EBF1: variants seen among roughly 807,000 people sequenced by gnomAD.
EBF1 encodes EBF transcription factor 1, also known as transcription factor COE1.
EBF1 carries 10 observed loss-of-function variants against 68.4 expected under a neutral mutation model. That is an observed-to-expected ratio of 0.15 (90% CI 0.09 to 0.25). EBF1 has a LOEUF of 0.25. Among genes scored for constraint, EBF1 ranks in the 10% least tolerant of loss-of-function variants. EBF1 has a pLI of 1.00. For synonymous variants in EBF1, 298 were observed against 299.8 expected, an observed-to-expected ratio of 0.99 and a Z score of 0.06; for missense variants, 509 against 794.4, an observed-to-expected ratio of 0.64 and a Z score of 4.32.
intron 6 of EBF1, among the ~76,000 whole-genome samples, chr5:158,842,892 T>A (rs1033435018): frequency 6.6e-6 from 1 of 152,188 alleles, no homozygotes; most frequent in Non-Finnish European, 1.5e-5. Context: ...AGAACTCAAA[T>A]TCAGACAGTG....
At chr5:158,852,010 GTGGAGA>G (rs1792961438) in intron 6 of EBF1, among the ~76,000 whole-genome samples, 1 of 38,106 alleles carries the variant, frequency 2.6e-5, no homozygotes, top group Non-Finnish European at 5.3e-5. Flanking sequence ...GAGGGGAAGG[GTGGAGA>G]GGGGAGGGGA....
chr5:158,936,964 G>C (rs1302917311), intron 6 of EBF1, among the ~76,000 whole-genome samples: 1 of 152,052 alleles, frequency 6.6e-6, no homozygotes, highest in Non-Finnish European at 1.5e-5. Context: ...GAGGTTAGGG[G>C]AGATCAAAGA....
At chr5:158,720,700 T>C (rs915448868) in intron 11 of EBF1, among the ~76,000 whole-genome samples, 3 of 152,214 alleles carry the variant, frequency 2.0e-5, no homozygotes, top group Non-Finnish European at 2.9e-5. Flanking sequence ...AAGAGTCACT[T>C]ACATTTAGCA....
At position 158,781,034 on chromosome 5, in the gene EBF1, C is replaced by G. The variant is rs147476306; in HGVS notation, c.910-3495G>C. ...TCTGTAGCATCTGCCACTACTCTTT[C>G]CCTTCCTTGGAACACTCCATTTTCT... On this transcript the variant is annotated intron_variant, in intron 9 of 15. Coordinates refer to ENST00000313708, the MANE Select transcript of EBF1 (RefSeq NM_024007.5). 1.4e-3 allele frequency among the ~76,000 whole-genome samples: 213 copies of G among 152,306 alleles called. 1 individual carries two copies. The highest frequency in any genetic ancestry group is 4.9e-3 in the African/African-American group (202 of 41,580).
chr5:158,750,729 T>A (rs2127591076), intron 10 of EBF1, among the ~76,000 whole-genome samples: 1 of 151,960 alleles, frequency 6.6e-6, no homozygotes, highest in African/African-American at 2.4e-5. Flanking sequence ...TATGAAAAAA[T>A]TATTTCAAAA....
intron 8 of EBF1, among the ~76,000 whole-genome samples, chr5:158,800,881 T>C (rs1479308292): frequency 2.0e-5 from 3 of 152,186 alleles, no homozygotes; most frequent in African/African-American, 4.8e-5. Flanking sequence ...TATTATGGAA[T>C]GTGGGGGCGG....
intron 11 of EBF1, among the ~76,000 whole-genome samples, chr5:158,715,341 C>T (rs537015700): frequency 5.3e-5 from 8 of 152,272 alleles, no homozygotes; most frequent in South Asian, 4.1e-4. Flanking sequence ...GGGAGATAAT[C>T]GCATTCATTT....
intron 7 of EBF1, among the ~76,000 whole-genome samples, chr5:158,837,255 C>T (rs1176311967): frequency 6.6e-6 from 1 of 152,186 alleles, no homozygotes; most frequent in African/African-American, 2.4e-5. Flanking sequence ...TCCTACAATG[C>T]ATGGGGGCAC....
rs147742370 is a variant in EBF1, at chr5:159,099,422, C to A, written c.57G>T (p.Pro19=). ...QRSGSSMKEE[P]LGSGMNAVRT... ...GCACCGCGTTCATGCCGCTGCCCAG[C>A]GGCTCTTCCTTCATGCTGCTTCCAC... The change falls in exon 1 of 16, where the codon CCG becomes CCT. Residue 19 remains proline, a synonymous_variant. Coordinates refer to ENST00000313708, the MANE Select transcript of EBF1 (RefSeq NM_024007.5). The A allele has an allele frequency of 2.5e-4, 406 of 1,601,518 alleles. No individual in the cohort carries two copies. The highest frequency in any genetic ancestry group is 2.9e-4 in the Non-Finnish European group (345 of 1,174,068).
intron 6 of EBF1, among the ~76,000 whole-genome samples, chr5:159,027,908 A>T (rs1768013361): frequency 6.6e-6 from 1 of 152,208 alleles, no homozygotes; most frequent in Non-Finnish European, 1.5e-5. Context: ...CCCCCAGCTC[A>T]TATGGATCTT....
At chr5:158,704,641 T>A (rs1455456636) in intron 15 of EBF1, among the ~76,000 whole-genome samples, 4 of 152,004 alleles carry the variant, frequency 2.6e-5, no homozygotes, top group South Asian at 4.1e-4. Flanking sequence ...TTTTTTTTTT[T>A]ATGGTAGAAA....
intron 7 of EBF1, among the ~76,000 whole-genome samples, chr5:158,834,813 T>C (rs1299742065): frequency 2.0e-5 from 3 of 152,196 alleles, no homozygotes; most frequent in Admixed American, 2.0e-4. Flanking sequence ...CCTGCGTTGC[T>C]ATATGAAGAT....
At chr5:158,899,215 C>T (rs756222993) in intron 6 of EBF1, among the ~76,000 whole-genome samples, 3 of 152,172 alleles carry the variant, frequency 2.0e-5, no homozygotes, top group Non-Finnish European at 2.9e-5. Flanking sequence ...AGTTAAAGCA[C>T]GTACACTAGT....
chr5:158,913,961 C>T (rs779655019), intron 6 of EBF1, among the ~76,000 whole-genome samples: 4 of 152,208 alleles, frequency 2.6e-5, no homozygotes, highest in Non-Finnish European at 5.9e-5. Flanking sequence ...GATGAATGAG[C>T]TGGCAGATGC....
chr5:158,740,103 C>T (rs997005540), intron 10 of EBF1, among the ~76,000 whole-genome samples: 6 of 152,148 alleles, frequency 3.9e-5, no homozygotes, highest in South Asian at 2.1e-4. Context: ...AACTTGAACA[C>T]GCACCAGGGA....
intron 4 of EBF1, among the ~76,000 whole-genome samples, chr5:159,094,165 C>CAAAAAAAAAAAAAAA (rs869228922): frequency 4.6e-5 from 1 of 21,874 alleles, no homozygotes; most frequent in Non-Finnish European, 9.4e-5. Context: ...CCTTGGAAGG[C>CAAAAAAAAAAAAAAA]AAAAAAAAAA....
chr5:158,717,706 G>A (rs1243562726), intron 11 of EBF1, among the ~76,000 whole-genome samples: 1 of 151,790 alleles, frequency 6.6e-6, no homozygotes, highest in Non-Finnish European at 1.5e-5. Context: ...AAGCCCCAGA[G>A]TCTCCTTGTA....
intron 12 of EBF1, 126 bp from the exon 13 acceptor site, chr5:158,713,273 C>T (rs1759860740): frequency 1.3e-6 from 1 of 787,534 alleles, no homozygotes; most frequent in African/African-American, 1.8e-5. Context: ...CTGTGACCCT[C>T]ATGACAAACC....
At chr5:158,935,590 G>C (rs1811841128) in intron 6 of EBF1, among the ~76,000 whole-genome samples, 1 of 152,148 alleles carries the variant, frequency 6.6e-6, no homozygotes, top group African/African-American at 2.4e-5. Context: ...CCCAAAAAAG[G>C]CATTTATCAA....
Sources: gnomAD v4.1 joint callset for allele counts (sites outside exome capture counted in the v4.1 genomes callset) on GRCh38, gnomAD v4.1.1 for gene constraint, MANE v1.5 for transcripts, NCBI Gene and HGNC (gene_info 2026-07-23, HGNC 2026-07-21) for gene names.